Variants in PTPRR observed in about 807,000 individuals in gnomAD.
PTPRR encodes protein tyrosine phosphatase receptor type R.
PTPRR carries 38 observed loss-of-function variants against 77.2 expected under a neutral mutation model. The observed-to-expected ratio is 0.49, with a 90% CI of 0.38 to 0.65. The LOEUF is 0.65. Among genes scored for constraint, PTPRR ranks in the 30% least tolerant of loss-of-function variants. The probability of loss-of-function intolerance (pLI) is 0.00; values close to 1 mark genes in which losing one functional copy is unlikely to be tolerated. For synonymous variants in PTPRR, 299 were observed against 283.1 expected (o/e 1.06, Z -0.57); for missense variants, 744 against 799.2 (o/e 0.93, Z 0.83).
intron 8 of PTPRR, among the ~76,000 whole-genome samples, chr12:70,696,702 A>C (rs1463428558): frequency 6.6e-6 from 1 of 152,126 alleles, no homozygotes; most frequent in African/African-American, 2.4e-5. Context: ...TGCAACAATC[A>C]CTGTAAATCA....
intron 8 of PTPRR, among the ~76,000 whole-genome samples, chr12:70,687,221 C>T (rs1328980572): frequency 2.0e-5 from 2 of 101,596 alleles, no homozygotes; most frequent in Non-Finnish European, 4.5e-5. Flanking sequence ...GATTACCAAA[C>T]TTAGAATTTA....
intron 6 of PTPRR, among the ~76,000 whole-genome samples, chr12:70,707,592 T>A (rs531215398): frequency 1.3e-5 from 2 of 152,262 alleles, no homozygotes; most frequent in South Asian, 4.1e-4. Flanking sequence ...AAAACTGTAA[T>A]GAACATCCTT....
chr12:70,639,358 G>A, intron 13 of PTPRR, 81 bp from the exon 14 acceptor site: 1 of 1,511,610 alleles, frequency 6.6e-7, no homozygotes, highest in Non-Finnish European at 9.0e-7. Context: ...ATCCAAGCTA[G>A]GGTATTATGC....
At chr12:70,760,373 C>T (rs1211617958) in intron 4 of PTPRR, among the ~76,000 whole-genome samples, 1 of 152,114 alleles carries the variant, frequency 6.6e-6, no homozygotes, top group Non-Finnish European at 1.5e-5. Flanking sequence ...CTCAGCCTCC[C>T]CAGTAGTTAG....
intron 2 of PTPRR, among the ~76,000 whole-genome samples, chr12:70,868,080 A>G (rs930909814): frequency 4.4e-4 from 67 of 152,286 alleles, no homozygotes; most frequent in African/African-American, 1.6e-3. Context: ...AAACCATAAA[A>G]ACCCTAGACG....
chr12:70,762,450 C>T (rs996737833), intron 3 of PTPRR, among the ~76,000 whole-genome samples: 17 of 152,240 alleles, frequency 1.1e-4, no homozygotes, highest in African/African-American at 3.6e-4. Flanking sequence ...TTTTAATGTG[C>T]TTTATCAGAA....
chr12:70,803,852 G>A (rs1165593852), intron 2 of PTPRR, among the ~76,000 whole-genome samples: 4 of 152,226 alleles, frequency 2.6e-5, no homozygotes, highest in African/African-American at 9.6e-5. Context: ...TGCCACTAAG[G>A]TGTGCATGCA....
chr12:70,833,226 T>C (rs564252905), intron 2 of PTPRR, among the ~76,000 whole-genome samples: 1 of 152,070 alleles, frequency 6.6e-6, no homozygotes, highest in South Asian at 2.1e-4. Context: ...AAGCAGGACA[T>C]GGTGATGGAT....
chr12:70,863,439 T>C (rs981433601), intron 2 of PTPRR, among the ~76,000 whole-genome samples: 14 of 152,168 alleles, frequency 9.2e-5, no homozygotes, highest in Non-Finnish European at 2.1e-4. Flanking sequence ...GTTACATCTA[T>C]TATTCTGCTT....
chr12:70,684,345 A>C, intron 9 of PTPRR, 81 bp from the exon 10 acceptor site: 1 of 1,474,416 alleles, frequency 6.8e-7, no homozygotes, highest in Non-Finnish European at 9.3e-7. Context: ...ATCTTCAACG[A>C]AATAGCTGGG....
chr12:70,749,881 T>C (rs1295769269), intron 5 of PTPRR, among the ~76,000 whole-genome samples: 1 of 152,228 alleles, frequency 6.6e-6, no homozygotes, highest in Non-Finnish European at 1.5e-5. Context: ...TTTGTACTTG[T>C]TAATAAACCT....
In PTPRR at chr12:70,742,432, T is replaced by A. The variant is rs370304144; in HGVS notation, c.1007+3386A>T. On this transcript the variant is annotated intron_variant, in intron 6 of 13. Transcript: ENST00000283228. The stretch of plus-strand genomic sequence containing the variant: ...GAAAAGGACAGGTTCTAGGCAAGTA[T>A]TAATTCTTAGGCTTAAAAGAGAATG... Among the ~76,000 whole-genome samples, 5 of 152,272 alleles carry A rather than the reference T, an allele frequency of 3.3e-5. No homozygotes were observed. In the East Asian group the frequency reaches 5.8e-4, roughly 18 times the overall value.
At chr12:70,733,729 AG>A (rs1280608261) in intron 6 of PTPRR, among the ~76,000 whole-genome samples, 29 of 152,188 alleles carry the variant, frequency 1.9e-4, no homozygotes, top group Non-Finnish European at 3.5e-4. Flanking sequence ...AGAAAAAGAT[AG>A]TTTTATATTT....
intron 2 of PTPRR, among the ~76,000 whole-genome samples, chr12:70,795,970 C>A (rs1592762234): frequency 7.6e-6 from 1 of 132,280 alleles, no homozygotes. Context: ...GTGACCCAGG[C>A]TGGAGTGCAG....
At chr12:70,747,088 G>A (rs1022863755) in intron 5 of PTPRR, among the ~76,000 whole-genome samples, 1 of 152,286 alleles carries the variant, frequency 6.6e-6, no homozygotes, top group African/African-American at 2.4e-5. Context: ...TCAAGCAAGT[G>A]TAATGTGTTT....
intron 10 of PTPRR, among the ~76,000 whole-genome samples, chr12:70,678,983 G>A (rs1002752954): frequency 2.0e-5 from 3 of 152,162 alleles, no homozygotes; most frequent in Admixed American, 6.5e-5. Context: ...TGCCCAGCCT[G>A]TTCTTGTTTT....
intron 6 of PTPRR, among the ~76,000 whole-genome samples, chr12:70,710,728 G>T (rs1190473392): frequency 1.3e-5 from 2 of 151,602 alleles, no homozygotes; most frequent in African/African-American, 2.4e-5. Flanking sequence ...CTCATTAAAA[G>T]GTGATCAAAG....
At chr12:70,790,418 T>A (rs973011400) in intron 2 of PTPRR, among the ~76,000 whole-genome samples, 1 of 152,100 alleles carries the variant, frequency 6.6e-6, no homozygotes, top group African/African-American at 2.4e-5. Flanking sequence ...TGCCACACTT[T>A]CTTAGTTTTT....
chr12:70,712,949 G>A (rs529789605), intron 6 of PTPRR, among the ~76,000 whole-genome samples: 2 of 151,896 alleles, frequency 1.3e-5, no homozygotes, highest in African/African-American at 4.8e-5. Context: ...TTTTATTATA[G>A]TCACTTAGTT....
Sources: allele counts gnomAD v4.1 joint callset (sites outside exome capture counted in the v4.1 genomes callset), GRCh38; gene constraint gnomAD v4.1.1; transcripts MANE v1.5; gene names NCBI Gene and HGNC (gene_info 2026-07-23, HGNC 2026-07-21).